The following EFNA5 variants were observed in gnomAD, a reference collection of about 807,000 sequenced individuals.
EFNA5 encodes ephrin A5.
EFNA5 carries 5 observed loss-of-function variants against 22.9 expected under a neutral mutation model. The observed-to-expected ratio is 0.22, with a 90% CI of 0.11 to 0.46. The LOEUF (loss-of-function observed/expected upper bound fraction) is 0.46, where lower values mean the gene tolerates loss of function less well. Among genes scored for constraint, EFNA5 ranks in the 20% least tolerant of loss-of-function variants. The pLI, the probability that EFNA5 is intolerant of heterozygous loss-of-function variation, is 0.99. For synonymous variants in EFNA5, 113 were observed against 112.2 expected, an observed-to-expected ratio of 1.01 and a Z score of -0.04; for missense variants, 237 against 293.3, an observed-to-expected ratio of 0.81 and a Z score of 1.40.
intron 1 of EFNA5, among the ~76,000 whole-genome samples, chr5:107,552,967 G>A (rs1748330986): frequency 6.6e-6 from 1 of 152,074 alleles, no homozygotes; most frequent in Non-Finnish European, 1.5e-5. Context: ...ACAATATGAG[G>A]GCACTTTGTA....
At chr5:107,517,623 C>G (rs1455942142) in intron 1 of EFNA5, among the ~76,000 whole-genome samples, 1 of 152,188 alleles carries the variant, frequency 6.6e-6, no homozygotes, top group Non-Finnish European at 1.5e-5. Context: ...ATGAAAATCA[C>G]TGGGAAACAA....
At chr5:107,573,457 C>T (rs905287058) in intron 1 of EFNA5, among the ~76,000 whole-genome samples, 10 of 151,548 alleles carry the variant, frequency 6.6e-5, no homozygotes, top group Admixed American at 2.6e-4. Context: ...TCCTGTTGGC[C>T]GTAATTTTTA....
chr5:107,524,144 T>C (rs1346115490), intron 1 of EFNA5, among the ~76,000 whole-genome samples: 4 of 152,208 alleles, frequency 2.6e-5, no homozygotes, highest in African/African-American at 9.7e-5. Context: ...ATCTTTACCG[T>C]AGATGAAGTC....
intron 2 of EFNA5, among the ~76,000 whole-genome samples, chr5:107,392,658 A>G (rs1163910301): frequency 6.6e-6 from 1 of 152,184 alleles, no homozygotes; most frequent in East Asian, 1.9e-4. Context: ...ATTTGGGGGT[A>G]ATTTCTTAAG....
chr5:107,483,326 T>C lies in EFNA5; in HGVS notation c.126-55817A>G, dbSNP rs1750537738. 2.6e-5 allele frequency among the ~76,000 whole-genome samples: 4 copies of C among 152,200 alleles called. No homozygotes were observed. In the South Asian group the frequency reaches 6.2e-4, roughly 24 times the overall value. On this transcript the variant is annotated intron_variant, in intron 1 of 4. Transcript: ENST00000333274. Reference sequence around the variant, plus strand: ...CCTCTTTGTTGTCATGGAATCCACCTGGCTTAATTATATTTACAGTTTTCA... The same window carrying C: ...CCTCTTTGTTGTCATGGAATCCACCCGGCTTAATTATATTTACAGTTTTCA...
Position 107,487,289 on chromosome 5 carries a change from C to T in EFNA5, c.126-59780G>A, listed in dbSNP as rs181396883. On this transcript the variant is annotated intron_variant, in intron 1 of 4. Coordinates refer to ENST00000333274, the MANE Select transcript of EFNA5 (RefSeq NM_001962.3). ...GGCAGGATTCACTTCCTCTGTGAGG[C>T]CTTCAGCTCCTCTCTCCTCCCTCAG... 1.4e-3 allele frequency among the ~76,000 whole-genome samples: 214 copies of T among 152,274 alleles called. 1 individual carries two copies. The highest frequency in any genetic ancestry group is 2.2e-3 in the Non-Finnish European group (151 of 68,014).
chr5:107,492,914 G>A (rs547808055), intron 1 of EFNA5, among the ~76,000 whole-genome samples: 1 of 151,466 alleles, frequency 6.6e-6, no homozygotes, highest in Admixed American at 6.6e-5. Flanking sequence ...TAGGAGGATC[G>A]CTTGAACCGG....
At chr5:107,482,806 CTCTCTCTG>C (rs1750507241) in intron 1 of EFNA5, among the ~76,000 whole-genome samples, 4 of 98,016 alleles carry the variant, frequency 4.1e-5, no homozygotes, top group African/African-American at 1.8e-4. Flanking sequence ...CTCTCTCTCT[CTCTCTCTG>C]TCTCTCTCTC....
At chr5:107,493,093 T>C (rs1746861447) in intron 1 of EFNA5, among the ~76,000 whole-genome samples, 1 of 152,076 alleles carries the variant, frequency 6.6e-6, no homozygotes, top group South Asian at 2.1e-4. Context: ...TATTTTAGAT[T>C]TGAAGCCACC....
At chr5:107,396,883 G>C (rs1160171665) in intron 2 of EFNA5, among the ~76,000 whole-genome samples, 2 of 152,168 alleles carry the variant, frequency 1.3e-5, no homozygotes, top group East Asian at 3.9e-4. Context: ...TTAGGCTAGA[G>C]GGACCGTAGG....
At chr5:107,663,435 T>C (rs915952867) in intron 1 of EFNA5, among the ~76,000 whole-genome samples, 1 of 152,136 alleles carries the variant, frequency 6.6e-6, no homozygotes, top group African/African-American at 2.4e-5. Flanking sequence ...AACAACATGA[T>C]TGTCCAAGGC....
At chr5:107,481,950 C>T (rs1453115976) in intron 1 of EFNA5, among the ~76,000 whole-genome samples, 1 of 151,964 alleles carries the variant, frequency 6.6e-6, no homozygotes, top group Non-Finnish European at 1.5e-5. Flanking sequence ...AAAACAAACA[C>T]TGTCTTGTGT....
intron 1 of EFNA5, among the ~76,000 whole-genome samples, chr5:107,541,103 T>A (rs763061156): frequency 1.3e-5 from 2 of 151,282 alleles, no homozygotes; most frequent in Admixed American, 6.6e-5. Context: ...CAAGACTCTA[T>A]CTCAAAAAAA....
chr5:107,614,861 C>A (rs1749882633), intron 1 of EFNA5, among the ~76,000 whole-genome samples: 1 of 152,142 alleles, frequency 6.6e-6, no homozygotes, highest in African/African-American at 2.4e-5. Context: ...ATGTTTAATT[C>A]TTTAACAACT....
At chr5:107,558,717 C>T (rs937854721) in intron 1 of EFNA5, among the ~76,000 whole-genome samples, 3 of 152,184 alleles carry the variant, frequency 2.0e-5, no homozygotes, top group African/African-American at 7.2e-5. Flanking sequence ...GACCTAATTA[C>T]GTCTGGACTT....
intron 1 of EFNA5, among the ~76,000 whole-genome samples, chr5:107,486,360 G>A (rs144732712): frequency 1.4e-3 from 216 of 152,224 alleles, no homozygotes; most frequent in Middle Eastern, 0.01. Flanking sequence ...AGATATGGAA[G>A]ATACAACCTA....
intron 1 of EFNA5, among the ~76,000 whole-genome samples, chr5:107,601,945 CT>C (rs1460952718): frequency 6.6e-6 from 1 of 152,148 alleles, no homozygotes; most frequent in Admixed American, 6.5e-5. Flanking sequence ...TCTTTCACAG[CT>C]TTCTAGGAAC....
At chr5:107,620,070 G>A (rs574491391) in intron 1 of EFNA5, among the ~76,000 whole-genome samples, 1 of 152,338 alleles carries the variant, frequency 6.6e-6, no homozygotes, top group Admixed American at 6.5e-5. Flanking sequence ...GATACAGAGT[G>A]CCTTATTCAG....
At chr5:107,411,258 C>A (rs568635586) in intron 2 of EFNA5, among the ~76,000 whole-genome samples, 2 of 152,300 alleles carry the variant, frequency 1.3e-5, no homozygotes, top group East Asian at 3.9e-4. Flanking sequence ...GTGAAATACA[C>A]CCTGGTTTTG....
Sources: allele counts gnomAD v4.1 joint callset (sites outside exome capture counted in the v4.1 genomes callset), GRCh38; gene constraint gnomAD v4.1.1; transcripts MANE v1.5; gene names NCBI Gene and HGNC (gene_info 2026-07-23, HGNC 2026-07-21).